The following USP9Y variants were observed in gnomAD, a reference collection of about 807,000 sequenced individuals.
USP9Y encodes the protein ubiquitin carboxyl-terminal hydrolase 9Y.
In USP9Y, 41 loss-of-function variants were observed where a neutral mutation model predicts 53.1. That is an observed-to-expected ratio of 0.77 (90% CI 0.60 to 1.00). The LOEUF (loss-of-function observed/expected upper bound fraction) is 1.00, where lower values mean the gene tolerates loss of function less well. Ranked by LOEUF, USP9Y falls within the 50% of genes least tolerant of loss-of-function variation. The pLI, the probability that USP9Y is intolerant of heterozygous loss-of-function variation, is 0.00. For synonymous variants in USP9Y, 220 were observed against 173.7 expected (o/e 1.27, Z -2.09); for missense variants, 567 against 535.8 (o/e 1.06, Z -0.58).
chrY:12,786,832 T>G, intron 24 of USP9Y, 32 bp downstream of exon 24: 5 of 344,966 alleles, frequency 1.4e-5, no homozygotes, highest in Non-Finnish European at 2.1e-5. Context: ...TTAAAAATAT[T>G]TAGTCCTTAC....
intron 15 of USP9Y, among the ~76,000 whole-genome samples, chrY:12,762,213 C>G (rs764199220): frequency 3.0e-5 from 1 of 33,286 alleles, no homozygotes; most frequent in South Asian, 6.8e-4. Flanking sequence ...TTGCTTGTAC[C>G]TTCTTGAAGG....
intron 11 of USP9Y, among the ~76,000 whole-genome samples, chrY:12,738,868 T>C: frequency 3.0e-5 from 1 of 33,437 alleles, no homozygotes; most frequent in Admixed American, 2.8e-4. Context: ...AAGATCTATA[T>C]AGCAAAATAA....
intron 45 of USP9Y, among the ~76,000 whole-genome samples, chrY:12,858,318 G>A: frequency 3.1e-5 from 1 of 31,917 alleles, no homozygotes; most frequent in African/African-American, 1.2e-4. Context: ...GCTATCGTGG[G>A]GCTCAAGAAT....
At chrY:12,716,303 T>C (rs531940487) in intron 3 of USP9Y, among the ~76,000 whole-genome samples, 2 of 34,114 alleles carry the variant, frequency 5.9e-5, no homozygotes, top group African/African-American at 2.3e-4. Context: ...GAGATGACCA[T>C]TGTATATTTA....
chrY:12,840,723 T>C, intron 36 of USP9Y, 109 bp downstream of exon 36: 1 of 230,495 alleles, frequency 4.3e-6, no homozygotes, highest in Non-Finnish European at 6.6e-6. Flanking sequence ...TTTTCTTTTA[T>C]TTTTTCATAG....
Position 12,786,247 on chromosome Y carries a change from G to C in USP9Y, c.3196G>C (p.Ala1066Pro). 2.5e-6 allele frequency: 1 copy of C among 398,405 alleles called. No individual in the cohort carries two copies. The change falls in exon 23 of 46, where the codon GCA becomes CCA. Residue 1066 changes from alanine to proline, a missense_variant. Physicochemically the swap from Ala to Pro is conservative, Grantham distance 27. Transcript: ENST00000338981. ...ATTACGAGCTGTTTGTTTGGACCAT[G>C]CAAAACTTGGAGAAGGCAAACTTAG... ...EKLRAVCLDH[A>P]KLGEGKLSPP...
chrY:12,810,678 G>A lies in USP9Y; in HGVS notation c.4099G>A (p.Ala1367Thr). Residue 1367 changes from alanine to threonine, a missense_variant, in exon 29 of 46, where the codon GCA becomes ACA. Transcript: ENST00000338981. ...TTTTAATTTAATATTTCAGAGCACA[G>A]CAAGAGAGAAGGGTAAATATTCAGG... ...TLLFTILGST[A>T]REKGKYSGDY... 1 of 393,836 alleles carries A rather than the reference G, an allele frequency of 2.5e-6. No individual in the cohort carries two copies. Among genetic ancestry groups the A allele is most frequent in the African/African-American group, 6.4e-5 (1 of 15,572 alleles).
Position 12,773,863 on chromosome Y carries a change from G to A in USP9Y, c.2269G>A (p.Ala757Thr), listed in dbSNP as rs769650387. 2.5e-6 allele frequency: 1 copy of A among 397,844 alleles called. No homozygotes were observed. The change falls in exon 17 of 46, where the codon GCA (alanine) becomes ACA (threonine). Residue 757 changes from alanine to threonine, a missense_variant. Coordinates refer to ENST00000338981, the MANE Select transcript of USP9Y (RefSeq NM_004654.4). Reference sequence around the variant, plus strand: ...CAATTGTCGAGAAAGGAAACTAATAGCAAAAAGAAGATCCTATATGATGGA... The same window carrying A: ...CAATTGTCGAGAAAGGAAACTAATAACAAAAAGAAGATCCTATATGATGGA... Reference protein sequence around the residue: ...AVNCRERKLIAKRRSYMMDDL... With the variant: ...AVNCRERKLITKRRSYMMDDL...
chrY:12,724,582 G>GAA (rs2053439507), intron 5 of USP9Y, among the ~76,000 whole-genome samples: 2 of 33,621 alleles, frequency 5.9e-5, no homozygotes, highest in Non-Finnish European at 1.5e-4. Flanking sequence ...CTCTTCAACA[G>GAA]AAAACACTTG....
chrY:12,789,015 C>T (rs2053504656), intron 24 of USP9Y, among the ~76,000 whole-genome samples: 1 of 32,915 alleles, frequency 3.0e-5, no homozygotes, highest in African/African-American at 1.2e-4. Context: ...CCACCACGCC[C>T]GGCCAGCTGA....
chrY:12,814,113 A>G (rs777346916), intron 31 of USP9Y, among the ~76,000 whole-genome samples: 1 of 34,146 alleles, frequency 2.9e-5, no homozygotes, highest in African/African-American at 1.1e-4. Context: ...ACTACTTGAG[A>G]TTACATGTGT....
Position 12,856,669 on chromosome Y carries a change from G to A in USP9Y, c.7258G>A (p.Val2420Met). The A allele has an allele frequency of 2.5e-6, 1 of 398,335 alleles. No homozygotes were observed. Among genetic ancestry groups the A allele is most frequent in the South Asian group, 3.0e-5 (1 of 33,753 alleles). The stretch of plus-strand genomic sequence containing the variant: ...TCTTAAAAGAAAATGGACCTGGGCA[G>A]TGGAATGGCTAGGAGATGAACTTGA... ...GDLKRKWTWA[V>M]EWLGDELERR... Residue 2420 changes from valine to methionine, a missense_variant, in exon 44 of 46, where the codon GTG (valine) becomes ATG (methionine). Transcript: ENST00000338981.
intron 12 of USP9Y, among the ~76,000 whole-genome samples, chrY:12,753,544 A>G: frequency 2.7e-4 from 9 of 33,244 alleles, no homozygotes; most frequent in African/African-American, 1.1e-3. Flanking sequence ...CACTGAAACT[A>G]TCTGGTCTGG....
chrY:12,754,629 A>C, intron 12 of USP9Y, among the ~76,000 whole-genome samples: 2 of 33,002 alleles, frequency 6.1e-5, no homozygotes, highest in South Asian at 1.4e-3. Context: ...TTTTCATGTC[A>C]TCGTAATGTA....
chrY:12,806,047 A>G lies in USP9Y; in HGVS notation c.3984-4132A>G, dbSNP rs2053524158. Among the ~76,000 whole-genome samples, 3 of 33,250 alleles carry G rather than the reference A, an allele frequency of 9.0e-5. No homozygotes were observed. The South Asian group carries it at 2.0e-3, about 22-fold the overall frequency. 89.2% of individuals were successfully genotyped at this position (33,250 alleles called of 37,273 possible). ...TACTTATTTTCTGCCTGTTCTCTAT[A>G]TTATTTGATCCTCATTATATACTTG... On this transcript the variant is annotated intron_variant, in intron 27 of 45. Coordinates refer to ENST00000338981, the MANE Select transcript of USP9Y (RefSeq NM_004654.4).
Position 12,779,601 on chromosome Y carries a change from C to T in USP9Y, c.3106C>T (p.Pro1036Ser), listed in dbSNP as rs200142685. ...CTTAGGTAGCAACCTGAATATGCCA[C>T]CTCTTAGAGATGGAGCAAGAGTACT... Reference protein sequence around the residue: ...ADLGSNLNMPPLRDGARVLMK... With the variant: ...ADLGSNLNMPSLRDGARVLMK... The change falls in exon 22 of 46, where the codon CCT becomes TCT. Residue 1036 changes from proline to serine, a missense_variant. Coordinates refer to ENST00000338981, the MANE Select transcript of USP9Y (RefSeq NM_004654.4). 3.3e-4 allele frequency: 131 copies of T among 394,106 alleles called. No individual in the cohort carries two copies. The highest frequency in any genetic ancestry group is 4.6e-4 in the Non-Finnish European group (128 of 280,833).
At chrY:12,785,831 A>G in intron 22 of USP9Y, among the ~76,000 whole-genome samples, 1 of 33,190 alleles carries the variant, frequency 3.0e-5, no homozygotes, top group Non-Finnish European at 7.5e-5. Flanking sequence ...GCTCATTTTT[A>G]ATTGATAATT....
chrY:12,848,792 C>T (rs2053569411), intron 42 of USP9Y, among the ~76,000 whole-genome samples: 2 of 33,110 alleles, frequency 6.0e-5, no homozygotes, highest in South Asian at 1.4e-3. Context: ...ATTTCTGAGG[C>T]CTCTATTCTG....
rs1603199503 is a variant in USP9Y at position 12,777,220 on chromosome Y, G to A, written c.2639+360G>A. ...TAAGAACTGCTTATTAAGCCAGTAT[G>A]AGAAGGAATATTTTTAAATGGTGTT... On this transcript the variant is annotated intron_variant, in intron 19 of 45. Coordinates refer to ENST00000338981, the MANE Select transcript of USP9Y (RefSeq NM_004654.4). Among the ~76,000 whole-genome samples the A allele has an allele frequency of 2.1e-4, 7 of 32,836 alleles. No individual in the cohort carries two copies. In the East Asian group the frequency reaches 5.4e-3, roughly 26 times the overall value. 88.1% of individuals were successfully genotyped at this position (32,836 alleles called of 37,273 possible).
Sources: gnomAD v4.1 joint callset for allele counts (sites outside exome capture counted in the v4.1 genomes callset) on GRCh38, gnomAD v4.1.1 for gene constraint, MANE v1.5 for transcripts, NCBI Gene and HGNC (gene_info 2026-07-23, HGNC 2026-07-21) for gene names.